The following PCLO variants were observed in gnomAD, a reference collection of about 807,000 sequenced individuals.
The protein encoded by PCLO is protein piccolo.
Under a neutral mutation model 427.5 loss-of-function variants are expected in PCLO, and 82 were observed. The ratio of observed to expected loss-of-function variants is 0.19; its 90% CI spans 0.16 to 0.23. The LOEUF is 0.23. Among genes scored for constraint, PCLO ranks in the 10% least tolerant of loss-of-function variants. PCLO has a pLI of 1.00. For synonymous variants in PCLO, 2,357 were observed against 2,155.4 expected (o/e 1.09, Z -2.59); for missense variants, 6,239 against 6,115.9 (o/e 1.02, Z -0.67).
At position 83,125,411 on chromosome 7, in the gene PCLO, C is replaced by T. The variant is rs565648340; in HGVS notation, c.3300+8839G>A. Among the ~76,000 whole-genome samples, 5 of 152,292 alleles carry T rather than the reference C, an allele frequency of 3.3e-5. 1 individual carries two copies. The highest frequency in any genetic ancestry group is 3.4e-3 in the Middle Eastern group (1 of 294). On this transcript the variant is annotated intron_variant, in intron 3 of 24. Transcript: ENST00000333891. ...GGTGGACCCAACAGCTCATTGAGAACGGGCCATGATGACGATGGTGGTTTT... is the reference window on the plus strand; with the variant it reads ...GGTGGACCCAACAGCTCATTGAGAATGGGCCATGATGACGATGGTGGTTTT...
At chr7:83,072,047 T>C (rs1238405858) in intron 3 of PCLO, among the ~76,000 whole-genome samples, 1 of 152,086 alleles carries the variant, frequency 6.6e-6, no homozygotes, top group Non-Finnish European at 1.5e-5. Context: ...TTATATTTTG[T>C]TTGTTAAAAT....
Position 82,784,044 on chromosome 7 carries a change from T to C in PCLO, c.15007+17474A>G, listed in dbSNP as rs73706708. On this transcript the variant is annotated intron_variant, in intron 22 of 24. Transcript: ENST00000333891. ...ATAAACCTGATACAGACATCATCAT[T>C]TCTTTCCTGAATAATTGCAACAAAT... Among the ~76,000 whole-genome samples, 498 of 152,286 alleles carry C rather than the reference T, an allele frequency of 3.3e-3. 3 individuals carry two copies. Among genetic ancestry groups the C allele is most frequent in the African/African-American group, 0.012 (480 of 41,532 alleles).
chr7:82,766,933 A>C (rs1016854934), intron 22 of PCLO, among the ~76,000 whole-genome samples: 3 of 152,154 alleles, frequency 2.0e-5, no homozygotes, highest in Non-Finnish European at 4.4e-5. Context: ...TAAAGGAAGA[A>C]AGGACGTGCT....
intron 3 of PCLO, among the ~76,000 whole-genome samples, chr7:83,050,633 A>T (rs1414260683): frequency 1.3e-5 from 2 of 151,964 alleles, no homozygotes; most frequent in Non-Finnish European, 2.9e-5. Flanking sequence ...AGCTGGGTTA[A>T]CATTTAAAAA....
chr7:82,987,487 G>C (rs1332336377), intron 3 of PCLO, among the ~76,000 whole-genome samples: 1 of 152,016 alleles, frequency 6.6e-6, no homozygotes, highest in Non-Finnish European at 1.5e-5. Context: ...TCTATTGTAT[G>C]CCAAGAATAA....
chr7:83,050,221 A>AAAAAAAAAAAAAAAAAACAAAAAC (rs1789204566), intron 3 of PCLO, among the ~76,000 whole-genome samples: 1 of 93,890 alleles, frequency 1.1e-5, no homozygotes, highest in Non-Finnish European at 2.3e-5. Context: ...AAAAAAAAAA[A>AAAAAAAAAAAAAAAAAACAAAAAC]AAAAAAAAAA....
chr7:83,016,925 T>C (rs771875806), intron 3 of PCLO, among the ~76,000 whole-genome samples: 1 of 152,090 alleles, frequency 6.6e-6, no homozygotes, highest in Non-Finnish European at 1.5e-5. Context: ...AAATGCCTTA[T>C]GTAGTGCCTT....
Position 82,754,349 on chromosome 7 carries a change from A to T in PCLO, c.*4226T>A, listed in dbSNP as rs990029821. The stretch of plus-strand genomic sequence containing the variant: ...AACAAGACATATCTTCAAGTACTTT[A>T]GTTTTTATTTCAAAATCAGTTTTAT... On this transcript the variant is annotated 3_prime_UTR_variant, in exon 25 of 25. Coordinates refer to ENST00000333891, the MANE Select transcript of PCLO (RefSeq NM_033026.6). 2 of 152,100 alleles carry T rather than the reference A, an allele frequency of 1.3e-5. No individual in the cohort carries two copies. Among genetic ancestry groups the T allele is most frequent in the Non-Finnish European group, 2.9e-5 (2 of 67,964 alleles). The allele number at this position is 152,100 out of a possible 1,614,324, so 9.4% of individuals were successfully genotyped here.
Position 82,915,183 on chromosome 7 carries a change from C to A in PCLO, c.12803G>T (p.Gly4268Val), listed in dbSNP as rs943510107. The change falls in exon 7 of 25, where the codon GGA becomes GTA. Residue 4268 changes from glycine to valine, a missense_variant. Coordinates refer to ENST00000333891, the MANE Select transcript of PCLO (RefSeq NM_033026.6). ...SSLGTGLGTL[G>V]NTIRSALQDE... ...CTGCAGAGCTGAGCGTATGGTATTT[C>A]CTAATGTGCCCAGTCCTGTGCCAAG... The A allele has an allele frequency of 5.0e-6, 8 of 1,606,446 alleles. No homozygotes were observed. The highest frequency in any genetic ancestry group is 6.8e-6 in the Non-Finnish European group (8 of 1,176,004).
At chr7:83,070,013 G>T (rs1789771944) in intron 3 of PCLO, among the ~76,000 whole-genome samples, 1 of 152,044 alleles carries the variant, frequency 6.6e-6, no homozygotes, top group African/African-American at 2.4e-5. Flanking sequence ...TCACTTCTAA[G>T]AATTGGTTAT....
chr7:83,158,324 C>A (rs1411366337), intron 1 of PCLO, among the ~76,000 whole-genome samples: 1 of 151,974 alleles, frequency 6.6e-6, no homozygotes, highest in Non-Finnish European at 1.5e-5. Context: ...CTGAACATTT[C>A]TTTATAGGTA....
At chr7:83,108,113 T>C (rs73180518) in intron 3 of PCLO, among the ~76,000 whole-genome samples, 6,195 of 152,046 alleles carry the variant, frequency 0.041, 162 homozygotes, top group South Asian at 0.074. Flanking sequence ...ATAGATAAAG[T>C]ACTACAGTTT....
At chr7:83,099,391 G>T (rs71537599) in intron 3 of PCLO, among the ~76,000 whole-genome samples, 6,329 of 143,638 alleles carry the variant, frequency 0.044, 168 homozygotes, top group South Asian at 0.094. Flanking sequence ...AGATTTTTTT[G>T]TTTTTTTTTT....
chr7:82,771,398 A>C (rs1411841725), intron 22 of PCLO, among the ~76,000 whole-genome samples: 1 of 151,984 alleles, frequency 6.6e-6, no homozygotes, highest in Non-Finnish European at 1.5e-5. Flanking sequence ...TTTGGTTTTC[A>C]AGTAAAAAAA....
intron 22 of PCLO, among the ~76,000 whole-genome samples, chr7:82,783,500 T>C (rs1378055900): frequency 1.3e-5 from 2 of 151,978 alleles, no homozygotes; most frequent in African/African-American, 4.8e-5. Context: ...CGGGCTCCTG[T>C]AGTGCCAGCT....
At chr7:82,821,264 G>C (rs1282098955) in intron 20 of PCLO, 1 of 986,786 alleles carries the variant, frequency 1.0e-6, no homozygotes, top group Non-Finnish European at 1.2e-6. Flanking sequence ...CTGCTTCCTG[G>C]CATGATTAGA....
intron 10 of PCLO, among the ~76,000 whole-genome samples, chr7:82,854,454 GATAAT>G (rs1254270734): frequency 3.3e-5 from 5 of 151,730 alleles, no homozygotes; most frequent in African/African-American, 9.7e-5. Context: ...ATAATATAAA[GATAAT>G]ATAATTTTAA....
At chr7:83,120,199 C>T (rs1489471401) in intron 3 of PCLO, among the ~76,000 whole-genome samples, 5 of 151,604 alleles carry the variant, frequency 3.3e-5, no homozygotes, top group African/African-American at 9.7e-5. Flanking sequence ...GTCAGGAGTT[C>T]GAGACCAGCC....
At chr7:83,009,884 T>C (rs527879126) in intron 3 of PCLO, among the ~76,000 whole-genome samples, 1 of 152,062 alleles carries the variant, frequency 6.6e-6, no homozygotes, top group Non-Finnish European at 1.5e-5. Flanking sequence ...AACTATTTAC[T>C]AAAGATTCTC....
Sources: gnomAD v4.1 joint callset for allele counts (sites outside exome capture counted in the v4.1 genomes callset) on GRCh38, gnomAD v4.1.1 for gene constraint, MANE v1.5 for transcripts, NCBI Gene and HGNC (gene_info 2026-07-23, HGNC 2026-07-21) for gene names.